The following UGT1A10 variants were observed in gnomAD, a reference collection of about 807,000 sequenced individuals.
UGT1A10 encodes UDP-glucuronosyltransferase 1A10.
Under a neutral mutation model 45.8 loss-of-function variants are expected in UGT1A10, and 49 were observed. The ratio of observed to expected loss-of-function variants is 1.07; its 90% CI spans 0.85 to 1.36. UGT1A10 has a LOEUF of 1.36. Among genes scored for constraint, UGT1A10 ranks in the 40% most tolerant of loss-of-function variants. UGT1A10 has a pLI of 0.00. For missense variants in UGT1A10, 745 were observed against 668.6 expected (o/e 1.11, Z -1.26); for synonymous variants, 284 against 249.7 (o/e 1.14, Z -1.29).
chr2:233,752,468 T>C (rs1694980469), intron 1 of UGT1A10: 1 of 152,362 alleles, frequency 6.6e-6, no homozygotes, highest in Admixed American at 6.5e-5. Flanking sequence ...TATAGGCCTC[T>C]AGCAGTGTTA....
intron 1 of UGT1A10, among the ~76,000 whole-genome samples, chr2:233,757,287 C>A (rs1434964623): frequency 1.2e-4 from 14 of 112,536 alleles, no homozygotes; most frequent in Non-Finnish European, 2.2e-4. Context: ...TCAGAAGGGA[C>A]AGCTGGGGGT....
intron 1 of UGT1A10, among the ~76,000 whole-genome samples, chr2:233,727,802 A>G (rs1335895993): frequency 2.0e-5 from 3 of 152,156 alleles, no homozygotes; most frequent in East Asian, 1.9e-4. Context: ...TGCCTGTCCC[A>G]TGGGTTCTGT....
At chr2:233,750,620 T>A (rs1476116797) in intron 1 of UGT1A10, 1 of 151,688 alleles carries the variant, frequency 6.6e-6, no homozygotes, top group Non-Finnish European at 1.5e-5. Flanking sequence ...GTGGGCTGGG[T>A]CCATGCTCCC....
intron 1 of UGT1A10, among the ~76,000 whole-genome samples, chr2:233,643,381 T>G (rs1381408789): frequency 2.0e-5 from 3 of 152,044 alleles, no homozygotes; most frequent in African/African-American, 7.2e-5. Context: ...GGTGTTCCCT[T>G]AAGGCCCAAG....
intron 1 of UGT1A10, 112 bp from the exon 2 acceptor site, chr2:233,766,922 G>C (rs955173337): frequency 6.4e-7 from 1 of 1,559,654 alleles, no homozygotes; most frequent in Non-Finnish European, 8.6e-7. Flanking sequence ...TCTCAAACAC[G>C]CATGCCTTTA....
chr2:233,717,184 T>G (rs1236730642), intron 1 of UGT1A10, among the ~76,000 whole-genome samples: 1 of 152,144 alleles, frequency 6.6e-6, no homozygotes. Context: ...AAGAGCACCC[T>G]CCCAGGCATG....
Position 233,645,449 on chromosome 2 carries a change from C to T in UGT1A10, c.855+8072C>T, listed in dbSNP as rs28969987. Among the ~76,000 whole-genome samples the T allele has an allele frequency of 4.1e-3, 618 of 152,348 alleles. 29 individuals are homozygous for T. The East Asian group carries it at 0.091, about 23-fold the overall frequency. On this transcript the variant is annotated intron_variant, in intron 1 of 4. Transcript: ENST00000344644. ...ATTAACTCAAAAGTCCACAGTTCAA[C>T]GTCTCATCTGAGACAAGGCAAGTCC...
intron 1 of UGT1A10, among the ~76,000 whole-genome samples, chr2:233,761,810 G>A (rs147752655): frequency 5.2e-4 from 79 of 152,328 alleles, no homozygotes; most frequent in African/African-American, 1.8e-3. Context: ...GAAAAGAACA[G>A]GAGAGGCTCC....
chr2:233,738,466 G>C (rs1690794725), intron 1 of UGT1A10, among the ~76,000 whole-genome samples: 1 of 152,190 alleles, frequency 6.6e-6, no homozygotes, highest in Non-Finnish European at 1.5e-5. Context: ...GGGAAAGTTT[G>C]GAACTTCCTG....
rs377618743 is a variant in UGT1A10, at chr2:233,743,739, T to A, written c.856-23295T>A. 1.2e-4 allele frequency: 170 copies of A among 1,367,366 alleles called. 1 individual carries two copies. Among genetic ancestry groups the A allele is most frequent in the South Asian group, 2.3e-4 (20 of 88,056 alleles). 84.7% of individuals were successfully genotyped at this position (1,367,366 alleles called of 1,614,324 possible). ...TAGCGGTCATAGATATCGCGTTTCT[T>A]GGCGTCCGACAACACCTCGTAGGCC... On this transcript the variant is annotated intron_variant, in intron 1 of 4. Transcript: ENST00000344644.
intron 1 of UGT1A10, chr2:233,672,631 GAAATTCTCC>G (rs1679219806): frequency 1.9e-6 from 3 of 1,613,774 alleles, no homozygotes; most frequent in Non-Finnish European, 2.5e-6. Context: ...AATAGCCTCT[GAAATTCTCC>G]AAACACCTGT....
At position 233,743,070 on chromosome 2, in the gene UGT1A10, T is replaced by G. The variant is rs1338507367; in HGVS notation, c.856-23964T>G. 11 of 339,422 alleles carry G rather than the reference T, an allele frequency of 3.2e-5. No homozygotes were observed. The Admixed American group carries it at 4.5e-4, about 14-fold the overall frequency. 21.0% of individuals were successfully genotyped at this position (339,422 alleles called of 1,614,324 possible). A position where few individuals can be genotyped will look rare whatever the true frequency, so the allele number is the denominator to read the frequency against. On this transcript the variant is annotated intron_variant, in intron 1 of 4. Transcript: ENST00000344644. ...TAGTCCCAACGATAAGAACAGGTGT[T>G]GGCATGAAGTGTTTATAAATTCTTG...
In UGT1A10 at chr2:233,772,332, G is replaced by A. The variant is rs1201825340; in HGVS notation, c.1366G>A (p.Val456Met). 10 of 1,614,084 alleles carry A rather than the reference G, an allele frequency of 6.2e-6. No individual in the cohort carries two copies. Among genetic ancestry groups the A allele is most frequent in the East Asian group, 2.2e-5 (1 of 44,892 alleles). ...DRPVEPLDLAVFWVEFVMRHK... is the reference protein window; with the variant it reads ...DRPVEPLDLAMFWVEFVMRHK... ...CCCGGTGGAGCCGCTGGACCTGGCC[G>A]TGTTCTGGGTGGAGTTTGTGATGAG... The change falls in exon 5 of 5, where the codon GTG becomes ATG. Residue 456 changes from valine (V) to methionine (M), a missense_variant. Physicochemically the swap from Val to Met is conservative, Grantham distance 21 (BLOSUM62 1). Transcript: ENST00000344644.
chr2:233,697,824 A>G (rs1392359237), intron 1 of UGT1A10, among the ~76,000 whole-genome samples: 2 of 152,174 alleles, frequency 1.3e-5, no homozygotes, highest in East Asian at 3.8e-4. Flanking sequence ...AATTTCAAGA[A>G]AATCTAATTA....
chr2:233,671,009 C>A (rs1461140181), intron 1 of UGT1A10, among the ~76,000 whole-genome samples: 1 of 152,126 alleles, frequency 6.6e-6, no homozygotes, highest in Non-Finnish European at 1.5e-5. Flanking sequence ...TATTTGTAAA[C>A]CCAAACATAC....
chr2:233,656,140 A>G (rs1253719347), intron 1 of UGT1A10, among the ~76,000 whole-genome samples: 1 of 152,228 alleles, frequency 6.6e-6, no homozygotes, highest in Non-Finnish European at 1.5e-5. Flanking sequence ...ATGAATATTT[A>G]TGAAGGCCAT....
At chr2:233,768,516 G>A (rs188739654) in intron 4 of UGT1A10, 77 bp downstream of exon 4, 153 of 1,549,320 alleles carry the variant, frequency 9.9e-5, no homozygotes, top group Non-Finnish European at 1.2e-4. Context: ...AAACATTTAC[G>A]TAGCATTTAA....
Position 233,747,263 on chromosome 2 carries a change from T to G in UGT1A10, c.856-19771T>G, listed in dbSNP as rs1693601928. 9 of 1,599,140 alleles carry G rather than the reference T, an allele frequency of 5.6e-6. 1 individual carries two copies. The highest frequency in any genetic ancestry group is 3.6e-4 in the Middle Eastern group (2 of 5,530). ...CTGCTGTGGCTGGCCACAGGAGTGCTACTCCTTCTCAGTGCCCAGCCCTGG... is the reference window on the plus strand; with the variant it reads ...CTGCTGTGGCTGGCCACAGGAGTGCGACTCCTTCTCAGTGCCCAGCCCTGG... On this transcript the variant is annotated intron_variant, in intron 1 of 4. Coordinates refer to ENST00000344644, the MANE Select transcript of UGT1A10 (RefSeq NM_019075.4).
Position 233,772,456 on chromosome 2 carries a change from T to G in UGT1A10, c.1490T>G (p.Leu497Arg). The G allele has an allele frequency of 6.2e-7, 1 of 1,614,218 alleles. No individual in the cohort carries two copies. ...DVIGFLLAVV[L>R]TVAFITFKCC... ...ATTGGTTTCCTCTTGGCCGTCGTGC[T>G]GACAGTGGCCTTCATCACCTTTAAA... Residue 497 changes from leucine to arginine, a missense_variant, in exon 5 of 5, where the codon CTG becomes CGG. Physicochemically the swap from Leu to Arg is moderately radical, Grantham distance 102. Transcript: ENST00000344644.
Sources: allele counts gnomAD v4.1 joint callset (sites outside exome capture counted in the v4.1 genomes callset), GRCh38; gene constraint gnomAD v4.1.1; transcripts MANE v1.5; gene names NCBI Gene and HGNC (gene_info 2026-07-23, HGNC 2026-07-21).